GALNT13: variants seen among roughly 807,000 people sequenced by gnomAD.
GALNT13 encodes the protein polypeptide N-acetylgalactosaminyltransferase 13.
In GALNT13, 28 loss-of-function variants were observed where a neutral mutation model predicts 64.2. The observed-to-expected ratio is 0.44, with a 90% CI of 0.32 to 0.60. The LOEUF (loss-of-function observed/expected upper bound fraction) is 0.60, where lower values mean the gene tolerates loss of function less well. GALNT13 is among the 20% of genes least tolerant of loss of function. The probability of loss-of-function intolerance (pLI) is 0.05; values close to 1 mark genes in which losing one functional copy is unlikely to be tolerated. For synonymous variants in GALNT13, 214 were observed against 224.6 expected (o/e 0.95, Z 0.42); for missense variants, 577 against 669.8 (o/e 0.86, Z 1.53).
At chr2:153,488,746 C>G in the GALNT13 span, among the ~76,000 whole-genome samples, 1 of 152,192 alleles carries the variant, frequency 6.6e-6, no homozygotes, top group African/African-American at 2.4e-5. Flanking sequence ...ATGGAGCCTG[C>G]TATGGTTTGA....
At chr2:153,147,540 ACT>A in the GALNT13 span, among the ~76,000 whole-genome samples, 2 of 128,014 alleles carry the variant, frequency 1.6e-5, no homozygotes, top group African/African-American at 7.6e-5. Context: ...GAAGCATTAG[ACT>A]TTTTTTTTTT....
the GALNT13 span, among the ~76,000 whole-genome samples, chr2:153,503,965 G>A: frequency 8.6e-5 from 13 of 151,992 alleles, no homozygotes; most frequent in Admixed American, 5.9e-4. Context: ...TTTGTAGATT[G>A]CTTTTGGCAG....
intron 2 of GALNT13, among the ~76,000 whole-genome samples, chr2:153,906,644 G>A (rs1481086225): frequency 1.2e-4 from 18 of 151,382 alleles, no homozygotes; most frequent in East Asian, 1.9e-4. Flanking sequence ...CCAGTCTATC[G>A]TTGTTGGACA....
At chr2:153,233,486 T>TAA in the GALNT13 span, among the ~76,000 whole-genome samples, 76 of 150,410 alleles carry the variant, frequency 5.1e-4, no homozygotes, top group Non-Finnish European at 6.2e-4. Flanking sequence ...ACCTTATTTT[T>TAA]AAAAAAAAAA....
At chr2:154,070,763 C>A (rs1445637009) in intron 3 of GALNT13, among the ~76,000 whole-genome samples, 3 of 151,560 alleles carry the variant, frequency 2.0e-5, no homozygotes, top group Non-Finnish European at 4.4e-5. Flanking sequence ...ACTGACAGTA[C>A]AAAATTAGCT....
the GALNT13 span, among the ~76,000 whole-genome samples, chr2:153,351,752 T>G: frequency 6.6e-6 from 1 of 152,218 alleles, no homozygotes; most frequent in South Asian, 2.1e-4. Flanking sequence ...CTTAGTAATA[T>G]ACATTTAAGT....
the GALNT13 span, among the ~76,000 whole-genome samples, chr2:153,143,591 A>G: frequency 6.6e-6 from 1 of 152,064 alleles, no homozygotes; most frequent in East Asian, 1.9e-4. Flanking sequence ...TTTCAGCTTC[A>G]TTCATCTTGC....
chr2:154,052,018 TATACTC>T (rs1699649550), intron 3 of GALNT13, among the ~76,000 whole-genome samples: 2 of 152,164 alleles, frequency 1.3e-5, no homozygotes, highest in African/African-American at 2.4e-5. Context: ...TTCCTGCAGT[TATACTC>T]ATACTCCTCT....
chr2:153,171,788 A>T, the GALNT13 span, among the ~76,000 whole-genome samples: 1 of 152,216 alleles, frequency 6.6e-6, no homozygotes, highest in Non-Finnish European at 1.5e-5. Flanking sequence ...ACCATATCAG[A>T]TAATGCTGTT....
intron 4 of GALNT13, among the ~76,000 whole-genome samples, chr2:154,226,028 AT>A (rs1464226358): frequency 6.6e-6 from 1 of 152,012 alleles, no homozygotes; most frequent in African/African-American, 2.4e-5. Flanking sequence ...TTAGAGGAAT[AT>A]TTTTAGGTTT....
At chr2:153,076,298 C>T in the GALNT13 span, among the ~76,000 whole-genome samples, 62 of 152,216 alleles carry the variant, frequency 4.1e-4, no homozygotes, top group African/African-American at 1.5e-3. Flanking sequence ...AGTAAACTGT[C>T]TTTCCATTTT....
the GALNT13 span, among the ~76,000 whole-genome samples, chr2:153,444,803 T>C: frequency 6.6e-6 from 1 of 152,202 alleles, no homozygotes; most frequent in Non-Finnish European, 1.5e-5. Context: ...CATTCCATTA[T>C]AGGTATGTAA....
At chr2:153,780,224 T>G in the GALNT13 span, among the ~76,000 whole-genome samples, 1 of 6,016 alleles carries the variant, frequency 1.7e-4, no homozygotes, top group South Asian at 3.8e-3. Context: ...GATATATATA[T>G]ATATATATAT....
chr2:154,406,090 C>T (rs1486294206), intron 10 of GALNT13, among the ~76,000 whole-genome samples: 1 of 152,130 alleles, frequency 6.6e-6, no homozygotes, highest in Admixed American at 6.6e-5. Context: ...GAACTCAAGA[C>T]TATTGTTCCT....
the GALNT13 span, among the ~76,000 whole-genome samples, chr2:153,779,579 A>T: frequency 6.6e-6 from 1 of 152,300 alleles, no homozygotes; most frequent in Non-Finnish European, 1.5e-5. Flanking sequence ...TAGTATATTT[A>T]TTATTTCATA....
intron 9 of GALNT13, among the ~76,000 whole-genome samples, chr2:154,331,322 C>T (rs1414072768): frequency 6.6e-6 from 1 of 151,962 alleles, no homozygotes; most frequent in African/African-American, 2.4e-5. Flanking sequence ...ATTAAAAGCA[C>T]TCTTCATTGC....
intron 9 of GALNT13, among the ~76,000 whole-genome samples, chr2:154,310,630 T>C (rs1006932672): frequency 2.0e-5 from 3 of 152,122 alleles, no homozygotes; most frequent in African/African-American, 7.2e-5. Context: ...GTTTCAGTTG[T>C]CCCTTACTAC....
chr2:154,172,855 C>T (rs1013679945), intron 4 of GALNT13, among the ~76,000 whole-genome samples: 1 of 151,692 alleles, frequency 6.6e-6, no homozygotes. Context: ...ATTCTATGCT[C>T]GTGGATTGGA....
chr2:154,093,408 A>C (rs1034187500), intron 3 of GALNT13, among the ~76,000 whole-genome samples: 1 of 151,988 alleles, frequency 6.6e-6, no homozygotes, highest in African/African-American at 2.4e-5. Context: ...GTACAGTTCA[A>C]CAATATTTAT....
Sources: gnomAD v4.1 joint callset for allele counts (sites outside exome capture counted in the v4.1 genomes callset) on GRCh38, gnomAD v4.1.1 for gene constraint, MANE v1.5 for transcripts, NCBI Gene and HGNC (gene_info 2026-07-23, HGNC 2026-07-21) for gene names.